Variants in MPRIP observed in about 807,000 individuals in gnomAD.
MPRIP encodes myosin phosphatase Rho-interacting protein.
MPRIP carries 59 observed loss-of-function variants against 234.9 expected under a neutral mutation model. The observed-to-expected ratio is 0.25, with a 90% CI of 0.20 to 0.31. The LOEUF is 0.31. Ranked by LOEUF, MPRIP falls within the 10% of genes least tolerant of loss-of-function variation. The pLI is 1.00. For missense variants in MPRIP, 2,436 were observed against 3,071.0 expected, an observed-to-expected ratio of 0.79 and a Z score of 4.89; for synonymous variants, 1,144 against 1,263.9, an observed-to-expected ratio of 0.91 and a Z score of 2.01.
chr17:17,085,049 C>G (rs2089554712), intron 3 of MPRIP, among the ~76,000 whole-genome samples: 1 of 152,170 alleles, frequency 6.6e-6, no homozygotes, highest in Non-Finnish European at 1.5e-5. Context: ...TTAAATCTGT[C>G]ATGTTTCAGC....
Position 17,189,417 on chromosome 17 carries a change from C to T in MPRIP, c.*4523C>T, listed in dbSNP as rs1156764442. The T allele has an allele frequency of 6.6e-6, 1 of 151,802 alleles. No homozygotes were observed. Among genetic ancestry groups the T allele is most frequent in the Non-Finnish European group, 1.5e-5 (1 of 67,996 alleles). 9.4% of individuals were successfully genotyped at this position (151,802 alleles called of 1,614,324 possible). A position where few individuals can be genotyped will look rare whatever the true frequency, so the allele number is the denominator to read the frequency against. ...TGTTGGTCAGGATGGTCTCGATTTC[C>T]TGACCTCGTGATCCGCCTGTCTCGG... On this transcript the variant is annotated 3_prime_UTR_variant, in exon 24 of 24. Transcript: ENST00000651222.
chr17:17,088,015 T>C (rs542863754), intron 3 of MPRIP, among the ~76,000 whole-genome samples: 49 of 152,298 alleles, frequency 3.2e-4, no homozygotes, highest in Admixed American at 2.9e-3. Flanking sequence ...ACCCACATTC[T>C]CTCTCTGCCT....
intron 22 of MPRIP, among the ~76,000 whole-genome samples, chr17:17,177,747 A>G (rs1000763234): frequency 6.6e-6 from 1 of 152,180 alleles, no homozygotes; most frequent in Non-Finnish European, 1.5e-5. Flanking sequence ...GGATTTGACT[A>G]TAATATCTGT....
In MPRIP at chr17:17,187,415, GC is replaced by G. The variant is rs918574193; in HGVS notation, c.*2523del. ...CTAAGAGCTCCTGAAAATGCCCTGG[GC>G]CTGTCCTGGCGTTTCTGAAGAGCCC... On this transcript the variant is annotated 3_prime_UTR_variant, in exon 24 of 24. Transcript: ENST00000651222. The G allele has an allele frequency of 4.5e-4, 68 of 152,348 alleles. No homozygotes were observed. The highest frequency in any genetic ancestry group is 1.6e-3 in the African/African-American group (67 of 41,572). The allele number at this position is 152,348 out of a possible 1,614,324, so 9.4% of individuals were successfully genotyped here. A position where few individuals can be genotyped will look rare whatever the true frequency, so the allele number is the denominator to read the frequency against.
At chr17:17,134,580 C>G (rs2090657972) in intron 5 of MPRIP, among the ~76,000 whole-genome samples, 2 of 152,208 alleles carry the variant, frequency 1.3e-5, no homozygotes. Flanking sequence ...AGGTGTGCGT[C>G]CTGGGTCTGT....
intron 3 of MPRIP, among the ~76,000 whole-genome samples, chr17:17,111,223 C>A (rs2458530): frequency 1 from 109,376 of 109,682 alleles, 54,537 homozygotes; most frequent in South Asian, 1. Flanking sequence ...AAGGGGTAGT[C>A]CCAAAAAAAA....
intron 3 of MPRIP, among the ~76,000 whole-genome samples, chr17:17,120,360 C>T (rs1166998329): frequency 6.6e-6 from 1 of 152,128 alleles, no homozygotes; most frequent in African/African-American, 2.4e-5. Flanking sequence ...GTTGGAGAGG[C>T]TGCTATAGCA....
At chr17:17,063,840 C>T (rs749480572) in intron 1 of MPRIP, among the ~76,000 whole-genome samples, 2 of 152,236 alleles carry the variant, frequency 1.3e-5, no homozygotes, top group Non-Finnish European at 2.9e-5. Context: ...TGAGACGCAT[C>T]AGTGGTGGCA....
At position 17,143,545 on chromosome 17, in the gene MPRIP, C is replaced by G. The variant is rs1245456933; in HGVS notation, c.1390-11C>G. The G allele has an allele frequency of 7.0e-6, 11 of 1,575,202 alleles. No homozygotes were observed. Among genetic ancestry groups the G allele is most frequent in the East Asian group, 2.3e-5 (1 of 43,518 alleles). On this transcript the variant is annotated splice_polypyrimidine_tract_variant and intron_variant, in intron 8 of 23. Transcript: ENST00000651222. ...TGGGCTGCACTGACCAGCGGCTGCT[C>G]TCTGCCACAGGACTTCACCAATGAA... is the stretch of plus-strand genomic sequence containing the variant.
In MPRIP at chr17:17,158,831, C is replaced by T. The variant is rs749225327; in HGVS notation, c.2229C>T (p.Ser743=). The T allele has an allele frequency of 5.8e-5, 93 of 1,611,536 alleles. No homozygotes were observed. The highest frequency in any genetic ancestry group is 2.0e-4 in the Middle Eastern group (1 of 5,016). ...EVDRSPGLPM[S]DLKTHNVHVE... Reference sequence around the variant, plus strand: ...ACCGGAGCCCAGGGCTGCCTATGAGCGACCTCAAAACGCATAACGTCCACG... The same window carrying T: ...ACCGGAGCCCAGGGCTGCCTATGAGTGACCTCAAAACGCATAACGTCCACG... Residue 743 remains serine, a synonymous_variant, in exon 14 of 24, where the codon AGC becomes AGT. Transcript: ENST00000651222.
At chr17:17,091,577 A>G (rs919300633) in intron 3 of MPRIP, among the ~76,000 whole-genome samples, 1 of 152,226 alleles carries the variant, frequency 6.6e-6, no homozygotes, top group African/African-American at 2.4e-5. Context: ...GTCCAGGGTC[A>G]TGCGGCTGGT....
intron 1 of MPRIP, among the ~76,000 whole-genome samples, chr17:17,061,751 T>C (rs541072752): frequency 1.3e-5 from 2 of 152,216 alleles, no homozygotes; most frequent in African/African-American, 4.8e-5. Context: ...GGAGCCAGCG[T>C]AGGGTTTGGG....
intron 15 of MPRIP, among the ~76,000 whole-genome samples, chr17:17,162,553 G>C (rs1351155322): frequency 2.6e-5 from 4 of 152,168 alleles, no homozygotes; most frequent in African/African-American, 7.2e-5. Context: ...GCCATGCCCT[G>C]TTCAGACCTG....
intron 3 of MPRIP, among the ~76,000 whole-genome samples, chr17:17,101,906 A>T (rs1261918276): frequency 3.9e-5 from 6 of 152,174 alleles, no homozygotes; most frequent in Non-Finnish European, 8.8e-5. Context: ...CCAGGAGGTC[A>T]GGCTTGGCCT....
Position 17,138,270 on chromosome 17 carries a change from A to C in MPRIP, c.1091A>C (p.Lys364Thr). The C allele has an allele frequency of 4.2e-6, 2 of 470,970 alleles. No homozygotes were observed. The highest frequency in any genetic ancestry group is 7.3e-6 in the Non-Finnish European group (2 of 272,656). 29.2% of individuals were successfully genotyped at this position (470,970 alleles called of 1,614,324 possible). The change falls in exon 7 of 24, where the codon AAA becomes ACA. Residue 364 changes from lysine to threonine, a missense_variant. Transcript: ENST00000651222. The surrounding 1 kb of genome is among the most constrained non-coding windows in gnomAD (Gnocchi z 5.8). ...AGACTGGGGAGCGCCTTTGCCTTTA[A>C]AGCCAGCAGGCAATATGCCACCCTG... ...TERLGSAFAFKASRQYATLAD... is the reference protein window; with the variant it reads ...TERLGSAFAFTASRQYATLAD...
chr17:17,144,693 T>C (rs568630310), intron 9 of MPRIP, among the ~76,000 whole-genome samples: 1 of 152,272 alleles, frequency 6.6e-6, no homozygotes, highest in East Asian at 1.9e-4. Context: ...CTGACTCTAC[T>C]AAAAATACAA....
Position 17,158,730 on chromosome 17 carries a change from C to G in MPRIP, c.2128C>G (p.Arg710Gly). Residue 710 changes from arginine (R) to glycine (G), a missense_variant, in exon 14 of 24, where the codon CGC (arginine) becomes GGC (glycine). Transcript: ENST00000651222. Reference sequence around the variant, plus strand: ...GGAGCGTGCACGGAGGCGGGAGGAGCGCCGCAAGCGCTTCGGGATGCTCGA... The same window carrying G: ...GGAGCGTGCACGGAGGCGGGAGGAGGGCCGCAAGCGCTTCGGGATGCTCGA... The part of the protein sequence containing the change: ...ERERARRREE[R>G]RKRFGMLDAT... The G allele has an allele frequency of 6.2e-7, 1 of 1,610,568 alleles. No individual in the cohort carries two copies. Among genetic ancestry groups the G allele is most frequent in the Non-Finnish European group, 8.5e-7 (1 of 1,179,704 alleles).
intron 3 of MPRIP, among the ~76,000 whole-genome samples, chr17:17,087,635 C>T (rs979229320): frequency 4.6e-5 from 7 of 152,220 alleles, no homozygotes; most frequent in South Asian, 4.1e-4. Context: ...TCAGAGCATG[C>T]GGAGCACCTT....
At chr17:17,175,937 C>T (rs1227286183) in intron 20 of MPRIP, among the ~76,000 whole-genome samples, 1 of 152,218 alleles carries the variant, frequency 6.6e-6, no homozygotes, top group Non-Finnish European at 1.5e-5. Flanking sequence ...TGTCGTGGAG[C>T]CGCCTCCTGG....
Sources: gnomAD v4.1 joint callset for allele counts (sites outside exome capture counted in the v4.1 genomes callset) on GRCh38, gnomAD v4.1.1 for gene constraint, Gnocchi (gnomAD v3.1) non-coding constraint, MANE v1.5 for transcripts, NCBI Gene and HGNC (gene_info 2026-07-23, HGNC 2026-07-21) for gene names.